The following RBFOX1 variants were observed in gnomAD, a reference collection of about 807,000 sequenced individuals.
The protein encoded by RBFOX1 is RNA binding protein fox-1 homolog 1.
In RBFOX1, 8 loss-of-function variants were observed where a neutral mutation model predicts 57.7. The observed-to-expected ratio is 0.14, with a 90% confidence interval of 0.08 to 0.25. The LOEUF (loss-of-function observed/expected upper bound fraction) is 0.25, where lower values mean the gene tolerates loss of function less well. RBFOX1 is among the 10% of genes least tolerant of loss of function. The pLI is 1.00. For missense variants in RBFOX1, 611 were observed against 548.5 expected, an observed-to-expected ratio of 1.11 and a Z score of -1.14; for synonymous variants, 326 against 222.4, an observed-to-expected ratio of 1.47 and a Z score of -4.15.
intron 4 of RBFOX1, among the ~76,000 whole-genome samples, chr16:7,410,669 C>T (rs981437068): frequency 1.4e-5 from 2 of 147,436 alleles, no homozygotes; most frequent in Admixed American, 7.0e-5. Flanking sequence ...AAGAGCAAAA[C>T]TCTATCCCAA....
At chr16:6,842,606 G>A (rs962785246) in intron 3 of RBFOX1, among the ~76,000 whole-genome samples, 9 of 146,074 alleles carry the variant, frequency 6.2e-5, no homozygotes, top group African/African-American at 2.0e-4. Flanking sequence ...TATGTATCCA[G>A]TTTCCTGCTG....
rs184576577 is a variant in RBFOX1, at chr16:5,805,399, G to A, written c.319-61904G>A. Among the ~76,000 whole-genome samples the A allele has an allele frequency of 2.6e-5, 4 of 152,300 alleles. No individual in the cohort carries two copies. In the East Asian group the frequency reaches 5.8e-4, roughly 22 times the overall value. On this transcript the variant is annotated intron_variant, in intron 3 of 19. Transcript: ENST00000641259. ...AGAGCCTTGGGCTATTTATGCAAAT[G>A]TGAATTCTGATCCTCAATTCCCTCA... is the stretch of plus-strand genomic sequence containing the variant.
At chr16:7,504,733 A>ATTTTTT (rs1567553539) in intron 4 of RBFOX1, among the ~76,000 whole-genome samples, 1 of 7,622 alleles carries the variant, frequency 1.3e-4, no homozygotes, top group Non-Finnish European at 3.9e-4. Flanking sequence ...ATATATATAT[A>ATTTTTT]TATATATATA....
At chr16:7,218,692 C>G (rs2092470590) in intron 4 of RBFOX1, among the ~76,000 whole-genome samples, 1 of 126,644 alleles carries the variant, frequency 7.9e-6, no homozygotes, top group African/African-American at 3.6e-5. Flanking sequence ...CCTTTTGTTC[C>G]TAACTGGCTG....
At chr16:7,636,843 A>AACAG (rs952757754) in intron 11 of RBFOX1, among the ~76,000 whole-genome samples, 2 of 120,716 alleles carry the variant, frequency 1.7e-5, no homozygotes, top group Non-Finnish European at 1.9e-5. Flanking sequence ...GACAGAGAGA[A>AACAG]ACAGAGAGAG....
intron 3 of RBFOX1, among the ~76,000 whole-genome samples, chr16:6,888,224 A>G (rs1003035526): frequency 1.3e-5 from 2 of 152,208 alleles, no homozygotes; most frequent in Non-Finnish European, 2.9e-5. Context: ...TTGTAAAACC[A>G]ATGAAAAGAA....
chr16:6,639,435 C>T lies in RBFOX1; in HGVS notation c.-63-15168C>T, dbSNP rs144549196. On this transcript the variant is annotated intron_variant, in intron 2 of 15. Transcript: ENST00000550418. ...TGTTAGAAATTGCATCTTTTGTGGC[C>T]AGTAGGGGTCTGTTTAATTGACTGA... 1.2e-4 allele frequency among the ~76,000 whole-genome samples: 18 copies of T among 152,186 alleles called. No homozygotes were observed. In the East Asian group the frequency reaches 3.5e-3, roughly 29 times the overall value.
intron 2 of RBFOX1, among the ~76,000 whole-genome samples, chr16:5,475,664 AC>A (rs1405091590): frequency 6.6e-6 from 1 of 152,200 alleles, no homozygotes. Context: ...CTTTGTGACA[AC>A]CCAGTGAGGA....
intron 1 of RBFOX1, among the ~76,000 whole-genome samples, chr16:6,193,330 G>A (rs1196189165): frequency 8.8e-6 from 1 of 113,580 alleles, no homozygotes; most frequent in African/African-American, 2.9e-5. Flanking sequence ...CAGCCCCAGT[G>A]TCCATATTCT....
chr16:5,759,888 G>A (rs982677545), intron 3 of RBFOX1, among the ~76,000 whole-genome samples: 1 of 151,766 alleles, frequency 6.6e-6, no homozygotes, highest in African/African-American at 2.4e-5. Flanking sequence ...CCTTAATGCT[G>A]CAACCACCTG....
At chr16:6,371,833 C>T (rs1395753789) in intron 2 of RBFOX1, among the ~76,000 whole-genome samples, 1 of 152,234 alleles carries the variant, frequency 6.6e-6, no homozygotes, top group Non-Finnish European at 1.5e-5. Flanking sequence ...TTCTTCCCAA[C>T]AGGATACATT....
Position 5,947,510 on chromosome 16 carries a change from CAG to C in RBFOX1, c.351+80176_351+80177del, listed in dbSNP as rs2059424517. Among the ~76,000 whole-genome samples the C allele has an allele frequency of 6.6e-6, 1 of 152,098 alleles. No homozygotes were observed. The highest frequency in any genetic ancestry group is 1.5e-5 in the Non-Finnish European group (1 of 68,016). On this transcript the variant is annotated intron_variant, in intron 4 of 19. Transcript: ENST00000641259. The surrounding 1 kb of genome is among the most constrained non-coding windows in gnomAD (Gnocchi z 7.2). ...TGCCAGTTTTTAAAATTTTTAGAGA[CAG>C]GGGTCTCTGTATGTTGCCTAGGCTG... is the stretch of plus-strand genomic sequence containing the variant.
intron 4 of RBFOX1, among the ~76,000 whole-genome samples, chr16:7,142,269 C>T (rs956241663): frequency 3.3e-5 from 5 of 152,098 alleles, no homozygotes; most frequent in African/African-American, 1.2e-4. Context: ...AGCAATCTTC[C>T]CACCTCAGCC....
intron 1 of RBFOX1, among the ~76,000 whole-genome samples, chr16:5,295,988 T>G (rs1209803804): frequency 2.0e-5 from 3 of 152,210 alleles, no homozygotes; most frequent in Non-Finnish European, 4.4e-5. Context: ...TCACTGTTAT[T>G]TATTATTACT....
At chr16:5,771,987 C>T (rs9922293) in intron 3 of RBFOX1, among the ~76,000 whole-genome samples, 1 of 151,864 alleles carries the variant, frequency 6.6e-6, no homozygotes, top group Non-Finnish European at 1.5e-5. Context: ...GCCTGACCAA[C>T]ATGGTGAAAC....
chr16:6,731,547 C>T (rs549674063), intron 3 of RBFOX1, among the ~76,000 whole-genome samples: 3 of 152,174 alleles, frequency 2.0e-5, no homozygotes, highest in South Asian at 4.2e-4. Flanking sequence ...TTGCTTTGCC[C>T]ATGCACAATA....
chr16:6,803,151 T>G (rs2085894982), intron 3 of RBFOX1, among the ~76,000 whole-genome samples: 1 of 152,148 alleles, frequency 6.6e-6, no homozygotes, highest in South Asian at 2.1e-4. Flanking sequence ...TTTTTTCTTT[T>G]AAATGCCATG....
At chr16:7,341,467 G>A (rs887910246) in intron 4 of RBFOX1, among the ~76,000 whole-genome samples, 1 of 152,138 alleles carries the variant, frequency 6.6e-6, no homozygotes, top group Non-Finnish European at 1.5e-5. Context: ...CAGAGGTTGC[G>A]TAGGGGGGCC....
At chr16:7,218,632 G>C (rs1416131709) in intron 4 of RBFOX1, among the ~76,000 whole-genome samples, 4,141 of 52,086 alleles carry the variant, frequency 0.08, 116 homozygotes, top group East Asian at 0.23. Flanking sequence ...GGTTTGCTGT[G>C]TGTGTGTGTG....
Sources: allele counts gnomAD v4.1 joint callset (sites outside exome capture counted in the v4.1 genomes callset), GRCh38; gene constraint gnomAD v4.1.1; non-coding constraint Gnocchi (gnomAD v3.1); transcripts MANE v1.5; gene names NCBI Gene and HGNC (gene_info 2026-07-23, HGNC 2026-07-21).